PRKAR1A: variants seen among roughly 807,000 people sequenced by gnomAD.
PRKAR1A encodes the protein cAMP-dependent protein kinase type I-alpha regulatory subunit.
A neutral mutation model predicts 52.0 loss-of-function variants in PRKAR1A; 3 were observed. That is an observed-to-expected ratio of 0.06 (90% confidence interval 0.03 to 0.15). The LOEUF (loss-of-function observed/expected upper bound fraction) is 0.15, where lower values mean the gene tolerates loss of function less well. Ranked by LOEUF, PRKAR1A falls within the 10% of genes least tolerant of loss-of-function variation. The pLI is 1.00. For missense variants in PRKAR1A, 240 were observed against 477.4 expected (o/e 0.50, Z 4.63); for synonymous variants, 188 against 168.4 (o/e 1.12, Z -0.90).
At chr17:68,483,925 A>C in the PRKAR1A span, among the ~76,000 whole-genome samples, 1 of 152,016 alleles carries the variant, frequency 6.6e-6, no homozygotes. Flanking sequence ...GTTTGTTTCT[A>C]GACTCTGTTC....
At chr17:68,548,485 G>T (rs1322014643) in intron 11 of PRKAR1A, among the ~76,000 whole-genome samples, 1 of 151,662 alleles carries the variant, frequency 6.6e-6, no homozygotes, top group Non-Finnish European at 1.5e-5. Flanking sequence ...AGCTGAGATT[G>T]AACCATTGCA....
the PRKAR1A span, chr17:68,457,521 GC>G: frequency 1.7e-6 from 1 of 599,864 alleles, no homozygotes; most frequent in African/African-American, 5.7e-5. Flanking sequence ...GTCCTGCCCC[GC>G]CCCTACCCCG....
the PRKAR1A span, among the ~76,000 whole-genome samples, chr17:68,464,886 A>G: frequency 5.9e-5 from 9 of 151,696 alleles, no homozygotes; most frequent in African/African-American, 1.9e-4. Flanking sequence ...TTGTATACCA[A>G]TCAAAAACAG....
upstream of PRKAR1A, among the ~76,000 whole-genome samples, chr17:68,507,728 G>A (rs958860073): frequency 6.6e-6 from 1 of 152,050 alleles, no homozygotes; most frequent in African/African-American, 2.4e-5. Flanking sequence ...GATCTGTGTG[G>A]GTGACTGACT....
chr17:68,542,282 G>T, intron 11 of PRKAR1A: 1 of 1,101,978 alleles, frequency 9.1e-7, no homozygotes, highest in Non-Finnish European at 1.3e-6. Flanking sequence ...AGCTCGGGAA[G>T]AGAAAGAAGA....
At chr17:68,437,139 C>T in the PRKAR1A span, among the ~76,000 whole-genome samples, 1 of 151,998 alleles carries the variant, frequency 6.6e-6, no homozygotes, top group South Asian at 2.1e-4. Flanking sequence ...TTCCTCAAAA[C>T]TGAAATAAAT....
At chr17:68,437,973 AGTGACTGGCGTCTATTAC>A in the PRKAR1A span, among the ~76,000 whole-genome samples, 1 of 139,850 alleles carries the variant, frequency 7.2e-6, no homozygotes, top group Non-Finnish European at 1.5e-5. Context: ...AAAAAAAAAA[AGTGACTGGCGTCTATTAC>A]AAGTTAGTAT....
chr17:68,537,386 A>G, downstream of PRKAR1A: 2 of 1,505,282 alleles, frequency 1.3e-6, no homozygotes. The surrounding 1 kb of genome is among the most constrained non-coding windows in gnomAD (Gnocchi z 4.2). Flanking sequence ...GACTCCCAGC[A>G]GTAACAGGTG....
At chr17:68,424,542 C>T in the PRKAR1A span, 1 of 531,290 alleles carries the variant, frequency 1.9e-6, no homozygotes, top group Admixed American at 2.0e-5. Context: ...GTGGCAGCTC[C>T]TCTCTGGCTC....
intron 2 of PRKAR1A, among the ~76,000 whole-genome samples, chr17:68,521,184 C>T (rs2085594375): frequency 6.6e-6 from 1 of 152,142 alleles, no homozygotes; most frequent in Admixed American, 6.5e-5. Flanking sequence ...TTGTGGTCTG[C>T]CCACCTTGGC....
the PRKAR1A span, chr17:68,420,533 T>C: frequency 1.3e-6 from 2 of 1,523,346 alleles, no homozygotes; most frequent in Non-Finnish European, 1.8e-6. Flanking sequence ...ATTTCATTTT[T>C]ACCCTCTTTA....
rs1422120954 is a variant in PRKAR1A, at chr17:68,521,903, A to T, written c.178-853A>T. ...CTTCAGGCACAACAACTAATTCTTT[A>T]GATCTGAGAGGAATTTGTTTTTAAG... On this transcript the variant is annotated intron_variant, in intron 2 of 10. Transcript: ENST00000589228. 2.0e-5 allele frequency among the ~76,000 whole-genome samples: 3 copies of T among 152,258 alleles called. No homozygotes were observed. In the East Asian group the frequency reaches 5.8e-4, roughly 29 times the overall value.
Position 68,531,654 on chromosome 17 carries a change from A to C in PRKAR1A, c.*1205A>C. The stretch of plus-strand genomic sequence containing the variant: ...TTGCTTCAAATTGGTCTGAAAGGCT[A>C]TCCTGCTGAAAGTCCTGCTTTCCTA... On this transcript the variant is annotated 3_prime_UTR_variant, in exon 11 of 11. Transcript: ENST00000589228. 1 of 1,066,354 alleles carries C rather than the reference A, an allele frequency of 9.4e-7. No homozygotes were observed. Among genetic ancestry groups the C allele is most frequent in the East Asian group, 5.0e-5 (1 of 20,168 alleles). 66.1% of individuals were successfully genotyped at this position (1,066,354 alleles called of 1,614,324 possible).
At chr17:68,541,199 G>A (rs1049798452) in intron 11 of PRKAR1A, 4 of 520,308 alleles carry the variant, frequency 7.7e-6, no homozygotes, top group Non-Finnish European at 1.4e-5. Flanking sequence ...GGGATACTGT[G>A]TGCCAGAGGG....
At chr17:68,505,620 C>T in the PRKAR1A span, among the ~76,000 whole-genome samples, 1 of 152,104 alleles carries the variant, frequency 6.6e-6, no homozygotes, top group Non-Finnish European at 1.5e-5. Context: ...TGAGACCAGC[C>T]TGGGCAACAT....
the PRKAR1A span, among the ~76,000 whole-genome samples, chr17:68,457,919 A>G: frequency 2.6e-5 from 4 of 152,194 alleles, no homozygotes; most frequent in Admixed American, 2.0e-4. Context: ...GGCTGGGGCC[A>G]GATCTGCTGG....
chr17:68,448,399 C>T, the PRKAR1A span: 1 of 152,188 alleles, frequency 6.6e-6, no homozygotes, highest in Non-Finnish European at 1.5e-5. Context: ...TTGGTTCCGA[C>T]GTTAGATCTT....
the PRKAR1A span, among the ~76,000 whole-genome samples, chr17:68,491,165 C>T: frequency 6.6e-6 from 1 of 151,004 alleles, no homozygotes; most frequent in African/African-American, 2.4e-5. Context: ...GATCTCAGCT[C>T]ACTGCAACGT....
the PRKAR1A span, among the ~76,000 whole-genome samples, chr17:68,464,509 C>T: frequency 2.6e-5 from 4 of 152,130 alleles, no homozygotes; most frequent in East Asian, 3.9e-4. Context: ...GGTGAAACCC[C>T]GTCTCTACTA....
Sources: gnomAD v4.1 joint callset for allele counts (sites outside exome capture counted in the v4.1 genomes callset) on GRCh38, gnomAD v4.1.1 for gene constraint, Gnocchi (gnomAD v3.1) non-coding constraint, MANE v1.5 for transcripts, NCBI Gene and HGNC (gene_info 2026-07-23, HGNC 2026-07-21) for gene names.